The following CHL1 variants were observed in gnomAD, a reference collection of about 807,000 sequenced individuals.
CHL1 encodes the protein neural cell adhesion molecule L1-like protein.
Under a neutral mutation model 141.9 loss-of-function variants are expected in CHL1, and 96 were observed. That is an observed-to-expected ratio of 0.68 (90% confidence interval 0.57 to 0.80). The LOEUF is 0.80. CHL1 is among the 30% of genes least tolerant of loss of function. The pLI is 0.00. For missense variants in CHL1, 1,820 were observed against 1,457.2 expected (o/e 1.25, Z -4.05); for synonymous variants, 613 against 502.2 (o/e 1.22, Z -2.95).
chr3:346,375 T>C (rs1702770799), intron 9 of CHL1, among the ~76,000 whole-genome samples: 2 of 152,218 alleles, frequency 1.3e-5, no homozygotes. Context: ...CAACCTGCTC[T>C]ACTGGTTGTA....
intron 9 of CHL1, among the ~76,000 whole-genome samples, chr3:346,057 T>C (rs1276249889): frequency 1.3e-5 from 2 of 152,206 alleles, no homozygotes; most frequent in African/African-American, 2.4e-5. Context: ...GCTAAGGGCT[T>C]TGGGGACTCT....
chr3:225,983 C>T lies in CHL1; in HGVS notation c.-174-18630C>T, dbSNP rs571781220. Among the ~76,000 whole-genome samples the T allele has an allele frequency of 1.1e-4, 16 of 151,242 alleles. No homozygotes were observed. The South Asian group carries it at 1.7e-3, about 16-fold the overall frequency. On this transcript the variant is annotated intron_variant, in intron 1 of 27. Coordinates refer to ENST00000256509, the MANE Select transcript of CHL1 (RefSeq NM_006614.4). ...GAGATAGCACCAGTGCACTTCAGCC[C>T]GGGAGACAGAATGAGACTCTGTCTA...
intron 5 of CHL1, among the ~76,000 whole-genome samples, chr3:333,124 A>ATCTTTTTTTTTTTTTTTTTTT (rs1701575823): frequency 1.2e-5 from 1 of 83,312 alleles, no homozygotes; most frequent in Non-Finnish European, 2.1e-5. Context: ...TAATTGCTCT[A>ATCTTTTTTTTTTTTTTTTTTT]TTTTTTTTAT....
chr3:368,732 A>G (rs1705223252), intron 15 of CHL1, among the ~76,000 whole-genome samples: 1 of 152,082 alleles, frequency 6.6e-6, no homozygotes, highest in Non-Finnish European at 1.5e-5. Context: ...TTTGGGTTTT[A>G]TATTTAAGTC....
At chr3:382,433 C>T (rs371224106) in intron 17 of CHL1, 41 bp from the exon 18 acceptor site, 1 of 1,547,972 alleles carries the variant, frequency 6.5e-7, no homozygotes, top group East Asian at 2.2e-5. Context: ...CTTATCCATA[C>T]TCCATACATT....
intron 5 of CHL1, among the ~76,000 whole-genome samples, chr3:332,667 T>C (rs1374963909): frequency 3.3e-5 from 5 of 152,150 alleles, no homozygotes; most frequent in Admixed American, 1.3e-4. Flanking sequence ...AACCTGAAAA[T>C]TGTTCTCAGG....
At position 349,368 on chromosome 3, in the gene CHL1, A is replaced by T; in HGVS notation, c.858A>T (p.Pro286=). 1 of 1,612,582 alleles carries T rather than the reference A, an allele frequency of 6.2e-7. No homozygotes were observed. Among genetic ancestry groups the T allele is most frequent in the Non-Finnish European group, 8.5e-7 (1 of 1,179,334 alleles). ...TAACTATTTTTTGCAGGCCAACTCC[A>T]CAGGTTGATTGGAACAAAATTGGTG... is the stretch of plus-strand genomic sequence containing the variant. ...LECFAEGLPT[P]QVDWNKIGGD... The change falls in exon 10 of 28, where the codon CCA becomes CCT. Residue 286 remains proline (P), a synonymous_variant. Coordinates refer to ENST00000256509, the MANE Select transcript of CHL1 (RefSeq NM_006614.4).
chr3:299,166 C>T (rs999158092), intron 2 of CHL1, among the ~76,000 whole-genome samples: 2 of 152,000 alleles, frequency 1.3e-5, no homozygotes, highest in African/African-American at 2.4e-5. Context: ...GACACAGTCA[C>T]GTAAATAAAT....
chr3:393,526 G>T (rs1228382588), intron 23 of CHL1, among the ~76,000 whole-genome samples: 2 of 151,894 alleles, frequency 1.3e-5, no homozygotes, highest in African/African-American at 4.8e-5. Context: ...ATTAACAATT[G>T]TAATGATTAT....
At chr3:328,010 C>A (rs1701140874) in intron 4 of CHL1, among the ~76,000 whole-genome samples, 157 bp from the exon 5 acceptor site, 1 of 152,042 alleles carries the variant, frequency 6.6e-6, no homozygotes, top group Non-Finnish European at 1.5e-5. Flanking sequence ...TTCTCAGATT[C>A]TTCTGAGACC....
chr3:285,098 C>T (rs181234931), intron 2 of CHL1, among the ~76,000 whole-genome samples: 17 of 152,288 alleles, frequency 1.1e-4, no homozygotes, highest in Non-Finnish European at 2.1e-4. Flanking sequence ...AACATGCTTA[C>T]GCATGTTTTC....
intron 1 of CHL1, among the ~76,000 whole-genome samples, chr3:232,097 A>T (rs1353285078): frequency 1.3e-5 from 2 of 152,070 alleles, no homozygotes; most frequent in African/African-American, 4.8e-5. Flanking sequence ...ACGAGACGTT[A>T]TGCTTGGAAT....
At chr3:233,612 G>A (rs543140745) in intron 1 of CHL1, among the ~76,000 whole-genome samples, 6 of 152,076 alleles carry the variant, frequency 3.9e-5, no homozygotes, top group Admixed American at 3.9e-4. Context: ...TCTTTCTAAT[G>A]TTATTTCTCA....
At chr3:346,311 G>C (rs1702766357) in intron 9 of CHL1, among the ~76,000 whole-genome samples, 1 of 152,148 alleles carries the variant, frequency 6.6e-6, no homozygotes, top group Non-Finnish European at 1.5e-5. Flanking sequence ...TGTTTGGTCT[G>C]TGTATTATTT....
Position 354,632 on chromosome 3 carries a change from A to T in CHL1, c.1034-8A>T, listed in dbSNP as rs1488497582. ...ACATCTCTCATGAGCTCTTCACTTT[A>T]CATCCAGAGCCTCCTCGCTGGACAA... On this transcript the variant is annotated splice_polypyrimidine_tract_variant and splice_region_variant and intron_variant, in intron 10 of 27. Transcript: ENST00000256509. 1 of 1,607,798 alleles carries T rather than the reference A, an allele frequency of 6.2e-7. No individual in the cohort carries two copies. The highest frequency in any genetic ancestry group is 1.3e-5 in the African/African-American group (1 of 74,608).
chr3:246,209 G>C (rs1693155131), intron 2 of CHL1, among the ~76,000 whole-genome samples: 1 of 152,000 alleles, frequency 6.6e-6, no homozygotes, highest in Non-Finnish European at 1.5e-5. Flanking sequence ...TTTTAAAAAA[G>C]AGATTATCAT....
At chr3:379,789 A>T (rs1015567134) in intron 16 of CHL1, among the ~76,000 whole-genome samples, 19 of 152,168 alleles carry the variant, frequency 1.2e-4, no homozygotes, top group African/African-American at 4.3e-4. Flanking sequence ...GGAGAATATT[A>T]TGTTTAAAAT....
intron 9 of CHL1, among the ~76,000 whole-genome samples, chr3:346,546 A>G (rs1575126008): frequency 1.3e-5 from 2 of 152,232 alleles, no homozygotes; most frequent in Non-Finnish European, 2.9e-5. Flanking sequence ...TGTCTTCAAA[A>G]TAATGAAATG....
At chr3:342,702 T>A (rs1341030857) in intron 7 of CHL1, among the ~76,000 whole-genome samples, 1 of 152,220 alleles carries the variant, frequency 6.6e-6, no homozygotes, top group Non-Finnish European at 1.5e-5. Context: ...TTCATTTTTA[T>A]GTGTAGATAT....
Sources: allele counts gnomAD v4.1 joint callset (sites outside exome capture counted in the v4.1 genomes callset), GRCh38; gene constraint gnomAD v4.1.1; transcripts MANE v1.5; gene names NCBI Gene and HGNC (gene_info 2026-07-23, HGNC 2026-07-21).